The following DLG2 variants were observed in gnomAD, a reference collection of about 807,000 sequenced individuals.
The protein encoded by DLG2 is disks large homolog 2.
DLG2 carries 45 observed loss-of-function variants against 132.5 expected under a neutral mutation model. That is an observed-to-expected ratio of 0.34 (90% CI 0.27 to 0.44). The LOEUF (loss-of-function observed/expected upper bound fraction) is 0.44, where lower values mean the gene tolerates loss of function less well. Among genes scored for constraint, DLG2 ranks in the 20% least tolerant of loss-of-function variants. The pLI is 1.00. For missense variants in DLG2, 1,045 were observed against 1,196.9 expected, an observed-to-expected ratio of 0.87 and a Z score of 1.87; for synonymous variants, 424 against 419.6, an observed-to-expected ratio of 1.01 and a Z score of -0.13.
chr11:84,073,941 A>C (rs941802714), intron 10 of DLG2, among the ~76,000 whole-genome samples: 1 of 152,236 alleles, frequency 6.6e-6, no homozygotes, highest in Non-Finnish European at 1.5e-5. Context: ...ATTTCATTGT[A>C]TGTAATTGCA....
intron 7 of DLG2, among the ~76,000 whole-genome samples, chr11:84,525,048 C>G (rs2099316085): frequency 6.6e-6 from 1 of 151,974 alleles, no homozygotes; most frequent in Non-Finnish European, 1.5e-5. Context: ...GTAAATTTCT[C>G]ACTGCTTCAT....
At chr11:85,083,198 T>C (rs1024588343) in intron 6 of DLG2, among the ~76,000 whole-genome samples, 4 of 152,158 alleles carry the variant, frequency 2.6e-5, no homozygotes, top group Admixed American at 1.3e-4. Flanking sequence ...AAAGCAGTTA[T>C]ACAGCAAAAG....
chr11:83,665,197 G>A (rs2075265456), intron 18 of DLG2, among the ~76,000 whole-genome samples: 1 of 152,176 alleles, frequency 6.6e-6, no homozygotes, highest in South Asian at 2.1e-4. Context: ...GAGGTGCCAA[G>A]CTACCGTAAA....
intron 6 of DLG2, among the ~76,000 whole-genome samples, chr11:84,558,479 T>C (rs1466693873): frequency 6.6e-6 from 1 of 152,158 alleles, no homozygotes; most frequent in Non-Finnish European, 1.5e-5. Flanking sequence ...CAGAAACCTT[T>C]TTTTCTTAAA....
intron 8 of DLG2, among the ~76,000 whole-genome samples, chr11:84,183,521 TTTGAG>T (rs1371174275): frequency 6.7e-4 from 102 of 152,300 alleles, no homozygotes; most frequent in African/African-American, 2.2e-3. Flanking sequence ...CAACAGTAGA[TTTGAG>T]TTGACAAGAA....
intron 9 of DLG2, among the ~76,000 whole-genome samples, chr11:84,115,049 T>C (rs1474809222): frequency 1.3e-5 from 2 of 152,188 alleles, no homozygotes; most frequent in African/African-American, 4.8e-5. Context: ...TTATATTCTA[T>C]TTGTTAAATG....
chr11:85,404,119 T>C (rs2088483234), intron 3 of DLG2, among the ~76,000 whole-genome samples: 1 of 151,954 alleles, frequency 6.6e-6, no homozygotes, highest in Non-Finnish European at 1.5e-5. Flanking sequence ...TAACCTTGAA[T>C]GGATTAGAAG....
intron 17 of DLG2, among the ~76,000 whole-genome samples, chr11:83,814,243 T>C (rs1030148559): frequency 1.3e-5 from 2 of 152,162 alleles, no homozygotes; most frequent in Admixed American, 1.3e-4. Context: ...CCTTCTTTGA[T>C]GCAATCGCTT....
At chr11:84,352,906 G>C (rs2098587965) in intron 7 of DLG2, among the ~76,000 whole-genome samples, 1 of 152,112 alleles carries the variant, frequency 6.6e-6, no homozygotes, top group South Asian at 2.1e-4. Flanking sequence ...AGAACACATA[G>C]AAGAGTTTTA....
chr11:84,987,000 T>C (rs2056567254), intron 6 of DLG2, among the ~76,000 whole-genome samples: 2 of 152,156 alleles, frequency 1.3e-5, no homozygotes, highest in Non-Finnish European at 2.9e-5. Flanking sequence ...TATGATTATT[T>C]ACTTAGAAAA....
chr11:84,567,129 G>A (rs1010831609), intron 6 of DLG2, among the ~76,000 whole-genome samples: 1 of 152,000 alleles, frequency 6.6e-6, no homozygotes. Context: ...CTTGCTATGG[G>A]GTATAAATGC....
intron 11 of DLG2, among the ~76,000 whole-genome samples, chr11:84,007,545 G>C (rs2094631844): frequency 6.6e-6 from 1 of 151,516 alleles, no homozygotes; most frequent in South Asian, 2.1e-4. Context: ...GCCCAACTTA[G>C]TTTAATTTAC....
At chr11:84,752,315 A>G (rs1216206100) in intron 6 of DLG2, among the ~76,000 whole-genome samples, 2 of 152,200 alleles carry the variant, frequency 1.3e-5, no homozygotes, top group Non-Finnish European at 2.9e-5. Context: ...CTGCTTTCAC[A>G]GAGCTTACAT....
chr11:83,990,100 G>A (rs139557487), intron 11 of DLG2, among the ~76,000 whole-genome samples: 69 of 152,210 alleles, frequency 4.5e-4, no homozygotes, highest in East Asian at 1.2e-3. Flanking sequence ...ATTACTGCAT[G>A]TGGGTCATAA....
intron 18 of DLG2, among the ~76,000 whole-genome samples, chr11:83,696,782 G>T (rs1348542063): frequency 1.3e-5 from 2 of 152,160 alleles, no homozygotes; most frequent in African/African-American, 4.8e-5. Flanking sequence ...AGAGAAATAG[G>T]ACATGGTCCC....
At chr11:84,135,259 T>G (rs2094559774) in intron 9 of DLG2, among the ~76,000 whole-genome samples, 1 of 152,116 alleles carries the variant, frequency 6.6e-6, no homozygotes, top group South Asian at 2.1e-4. Flanking sequence ...ATTCCCTGAC[T>G]AGGTAGAATC....
rs536535352 is a variant in DLG2, at chr11:85,018,812, A to T, written c.357+92849T>A. Reference sequence around the variant, plus strand: ...CTTCTTTTTTTTTTTTTTTGTCCAAATTCCTGGCTTAATAAGGACTTGTTT... The same window carrying T: ...CTTCTTTTTTTTTTTTTTTGTCCAATTTCCTGGCTTAATAAGGACTTGTTT... On this transcript the variant is annotated intron_variant, in intron 6 of 27. Transcript: ENST00000376104. Among the ~76,000 whole-genome samples the T allele has an allele frequency of 1.1e-3, 166 of 149,652 alleles. 1 individual carries two copies. The highest frequency in any genetic ancestry group is 2.1e-3 in the Non-Finnish European group (140 of 67,550).
At chr11:85,501,007 G>A (rs1244820659) in intron 3 of DLG2, among the ~76,000 whole-genome samples, 1 of 152,156 alleles carries the variant, frequency 6.6e-6, no homozygotes, top group Admixed American at 6.5e-5. Context: ...CACACTACCT[G>A]ACTTCAACCT....
intron 7 of DLG2, among the ~76,000 whole-genome samples, chr11:84,296,928 G>T (rs1313466753): frequency 1.3e-5 from 2 of 152,028 alleles, no homozygotes; most frequent in African/African-American, 4.8e-5. Flanking sequence ...TATCTTTCAT[G>T]AAAGTATTAG....
Sources: allele counts gnomAD v4.1 joint callset (sites outside exome capture counted in the v4.1 genomes callset), GRCh38; gene constraint gnomAD v4.1.1; transcripts MANE v1.5; gene names NCBI Gene and HGNC (gene_info 2026-07-23, HGNC 2026-07-21).